The following ESR1 variants were observed in gnomAD, a reference collection of about 807,000 sequenced individuals.
ESR1 encodes the protein estrogen receptor 1.
ESR1 carries 12 observed loss-of-function variants against 52.7 expected under a neutral mutation model. The observed-to-expected ratio is 0.23, with a 90% CI of 0.15 to 0.37. ESR1 has a LOEUF of 0.37. Ranked by LOEUF, ESR1 falls within the 10% of genes least tolerant of loss-of-function variation. The pLI is 1.00. For synonymous variants in ESR1, 305 were observed against 316.8 expected (o/e 0.96, Z 0.39); for missense variants, 584 against 779.7 (o/e 0.75, Z 2.99).
chr6:151,799,117 G>T (rs1776986203), intron 2 of ESR1, among the ~76,000 whole-genome samples: 1 of 152,180 alleles, frequency 6.6e-6, no homozygotes, highest in East Asian at 1.9e-4. Context: ...AGCTGAGCAA[G>T]CAAGGCCCAC....
intron 4 of ESR1, 90 bp from the exon 5 acceptor site, chr6:152,011,566 C>G (rs1260313075): frequency 1.4e-6 from 2 of 1,447,308 alleles, no homozygotes; most frequent in South Asian, 1.1e-5. Context: ...AGAAAATAGA[C>G]CTTGTCAGTT....
At chr6:151,706,882 A>AT (rs1562343966) in intron 2 of ESR1, among the ~76,000 whole-genome samples, 1 of 152,244 alleles carries the variant, frequency 6.6e-6, no homozygotes, top group Non-Finnish European at 1.5e-5. Flanking sequence ...GGCTTTCTGT[A>AT]TAGCCTCTCT....
intron 2 of ESR1, among the ~76,000 whole-genome samples, chr6:151,736,590 G>A (rs1021983365): frequency 6.6e-6 from 1 of 151,788 alleles, no homozygotes; most frequent in Non-Finnish European, 1.5e-5. Context: ...TGTTGCCCAG[G>A]GTGGTCTCGA....
At chr6:151,946,492 C>T (rs751391826) in intron 4 of ESR1, among the ~76,000 whole-genome samples, 2 of 152,082 alleles carry the variant, frequency 1.3e-5, no homozygotes, top group Non-Finnish European at 1.5e-5. Flanking sequence ...AAATATTATA[C>T]ACAGGCTAGC....
chr6:151,820,489 T>A (rs2128188857), intron 1 of ESR1, among the ~76,000 whole-genome samples: 1 of 152,252 alleles, frequency 6.6e-6, no homozygotes, highest in South Asian at 2.1e-4. Context: ...TTATGGGACG[T>A]AGAAACTAAG....
intron 2 of ESR1, among the ~76,000 whole-genome samples, chr6:151,873,068 G>A (rs188044394): frequency 6.6e-6 from 1 of 152,296 alleles, no homozygotes; most frequent in Non-Finnish European, 1.5e-5. Flanking sequence ...ACACTTGGTG[G>A]TCAGACAGTT....
In ESR1 at chr6:152,036,766, C is replaced by G. The variant is rs564491116; in HGVS notation, c.1236-24225C>G. 4.4e-4 allele frequency among the ~76,000 whole-genome samples: 67 copies of G among 152,288 alleles called. 1 individual carries two copies. The South Asian group carries it at 0.013, about 31-fold the overall frequency. Reference sequence around the variant, plus strand: ...AGTATGTAATTACAACACAATAAGACTCAAAAGCATTTCAATAAAGTGTGG... The same window carrying G: ...AGTATGTAATTACAACACAATAAGAGTCAAAAGCATTTCAATAAAGTGTGG... On this transcript the variant is annotated intron_variant, in intron 5 of 7. Transcript: ENST00000206249.
At chr6:151,793,201 T>A in intron 2 of ESR1, among the ~76,000 whole-genome samples, 1 of 151,996 alleles carries the variant, frequency 6.6e-6, no homozygotes. Context: ...TAAACCTTTT[T>A]AAAAAATCAA....
intron 1 of ESR1, among the ~76,000 whole-genome samples, chr6:151,818,861 A>G (rs760384276): frequency 1.3e-5 from 2 of 152,046 alleles, no homozygotes; most frequent in Non-Finnish European, 2.9e-5. Context: ...TATATAATAT[A>G]CATATATCAT....
At chr6:151,962,821 C>T (rs2037827754) in intron 4 of ESR1, among the ~76,000 whole-genome samples, 1 of 152,118 alleles carries the variant, frequency 6.6e-6, no homozygotes. Flanking sequence ...AGATTTCTTC[C>T]ACTTTGTCTT....
intron 5 of ESR1, among the ~76,000 whole-genome samples, chr6:152,039,263 G>A (rs2045586216): frequency 6.6e-6 from 1 of 152,080 alleles, no homozygotes; most frequent in Non-Finnish European, 1.5e-5. Flanking sequence ...GGATCGAGTT[G>A]TTGTCATTTT....
At chr6:151,861,623 G>A (rs1159425824) in intron 2 of ESR1, among the ~76,000 whole-genome samples, 1 of 152,168 alleles carries the variant, frequency 6.6e-6, no homozygotes, top group East Asian at 1.9e-4. Flanking sequence ...GAAGTGAGTT[G>A]TTCATCTGGG....
intron 4 of ESR1, among the ~76,000 whole-genome samples, chr6:151,997,497 T>C (rs1186744284): frequency 6.6e-6 from 1 of 152,130 alleles, no homozygotes; most frequent in African/African-American, 2.4e-5. Flanking sequence ...AAGTATCTCA[T>C]AGGATAATAT....
At chr6:152,015,853 TG>T (rs1044443863) in intron 5 of ESR1, among the ~76,000 whole-genome samples, 1 of 152,170 alleles carries the variant, frequency 6.6e-6, no homozygotes, top group Non-Finnish European at 1.5e-5. Flanking sequence ...GAATTTCAAA[TG>T]GGGAAAAGCA....
intron 1 of ESR1, among the ~76,000 whole-genome samples, chr6:151,694,546 G>T (rs1334206518): frequency 2.0e-5 from 3 of 152,178 alleles, no homozygotes; most frequent in Admixed American, 2.0e-4. Flanking sequence ...CCAGCACTTT[G>T]GGGGGCTGAG....
intron 1 of ESR1, among the ~76,000 whole-genome samples, chr6:151,836,619 A>G (rs1783375390): frequency 6.6e-6 from 1 of 152,208 alleles, no homozygotes. Flanking sequence ...CAAATGAGAC[A>G]TGATTCTTGC....
upstream of ESR1, chr6:151,807,675 G>A (rs988659400): frequency 8.3e-6 from 5 of 602,166 alleles, no homozygotes; most frequent in Non-Finnish European, 1.5e-5. Flanking sequence ...AGGCCCGGGA[G>A]CCCAGGAGCT....
At chr6:151,678,600 CA>C (rs1778339168) in intron 1 of ESR1, among the ~76,000 whole-genome samples, 1 of 151,988 alleles carries the variant, frequency 6.6e-6, no homozygotes, top group South Asian at 2.1e-4. Context: ...CACTGATAAC[CA>C]ACAGAAAAAT....
chr6:151,918,834 G>T (rs1043892165), intron 3 of ESR1, among the ~76,000 whole-genome samples: 1 of 152,302 alleles, frequency 6.6e-6, no homozygotes, highest in East Asian at 1.9e-4. Flanking sequence ...GAGGGATAAA[G>T]CTGTAAATCA....
Sources: allele counts gnomAD v4.1 joint callset (sites outside exome capture counted in the v4.1 genomes callset), GRCh38; gene constraint gnomAD v4.1.1; transcripts MANE v1.5; gene names NCBI Gene and HGNC (gene_info 2026-07-23, HGNC 2026-07-21).